Variants in RARB observed in about 807,000 individuals in gnomAD.
RARB encodes retinoic acid receptor beta.
In RARB, 17 loss-of-function variants were observed where a neutral mutation model predicts 51.9. The ratio of observed to expected loss-of-function variants is 0.33; its 90% CI spans 0.22 to 0.49. RARB has a LOEUF of 0.49. Among genes scored for constraint, RARB ranks in the 20% least tolerant of loss-of-function variants. The probability of loss-of-function intolerance (pLI) is 0.99; values close to 1 mark genes in which losing one functional copy is unlikely to be tolerated. For synonymous variants in RARB, 215 were observed against 195.4 expected (o/e 1.10, Z -0.84); for missense variants, 369 against 550.8 (o/e 0.67, Z 3.30).
upstream of RARB, among the ~76,000 whole-genome samples, chr3:25,424,742 A>G (rs186924165): frequency 2.0e-5 from 3 of 152,220 alleles, no homozygotes; most frequent in Admixed American, 2.0e-4. Context: ...GTATTAGCCC[A>G]ATTTTGAACA....
intron 3 of RARB, among the ~76,000 whole-genome samples, chr3:25,066,016 AAAG>A (rs1698654389): frequency 6.6e-6 from 1 of 152,210 alleles, no homozygotes; most frequent in Non-Finnish European, 1.5e-5. Context: ...CAGAAAATGC[AAAG>A]AAGAGGAAGT....
chr3:25,488,215 T>C (rs541097543), intron 2 of RARB, among the ~76,000 whole-genome samples: 1 of 152,240 alleles, frequency 6.6e-6, no homozygotes, highest in African/African-American at 2.4e-5. Context: ...TTCCTACACC[T>C]GCCTGTGAAC....
At chr3:25,383,930 C>CAAAA (rs11401651) in intron 5 of RARB, among the ~76,000 whole-genome samples, 3 of 128,670 alleles carry the variant, frequency 2.3e-5, no homozygotes, top group African/African-American at 8.5e-5. Flanking sequence ...GACTTTGTCT[C>CAAAA]AAAAAAAAAA....
chr3:25,194,506 GATATATATATGTTGAT>G, intron 5 of RARB, among the ~76,000 whole-genome samples: 1 of 149,732 alleles, frequency 6.7e-6, no homozygotes, highest in Non-Finnish European at 1.5e-5. Context: ...CACACATAGT[GATATATATATGTTGAT>G]ATATATATAT....
intron 1 of RARB, among the ~76,000 whole-genome samples, chr3:24,831,748 T>C (rs768002457): frequency 6.6e-6 from 1 of 152,154 alleles, no homozygotes; most frequent in Non-Finnish European, 1.5e-5. Context: ...TAACCTACTT[T>C]AGGCATCCTT....
chr3:25,236,735 T>A (rs371852502), intron 5 of RARB, among the ~76,000 whole-genome samples: 1 of 152,114 alleles, frequency 6.6e-6, no homozygotes, highest in Non-Finnish European at 1.5e-5. Context: ...CATTTCATAT[T>A]GAATTTGGTG....
At chr3:24,874,338 C>T (rs1433033768) in intron 2 of RARB, among the ~76,000 whole-genome samples, 1 of 151,838 alleles carries the variant, frequency 6.6e-6, no homozygotes, top group Non-Finnish European at 1.5e-5. Context: ...TAAATCAACC[C>T]TATTAATTTT....
chr3:25,145,096 G>A (rs918682347), intron 4 of RARB, among the ~76,000 whole-genome samples: 1 of 152,156 alleles, frequency 6.6e-6, no homozygotes, highest in South Asian at 2.1e-4. Context: ...TGTAGACTGA[G>A]TTGTCTCAGC....
chr3:24,882,987 G>A (rs535035535), intron 2 of RARB, among the ~76,000 whole-genome samples: 1 of 152,220 alleles, frequency 6.6e-6, no homozygotes, highest in African/African-American at 2.4e-5. Flanking sequence ...GAGGCGAGAT[G>A]TGATGCCTCA....
intron 3 of RARB, among the ~76,000 whole-genome samples, chr3:25,554,044 CTG>C (rs1472928572): frequency 6.6e-6 from 1 of 151,478 alleles, no homozygotes; most frequent in Non-Finnish European, 1.5e-5. Context: ...TCATGTTAAT[CTG>C]TGTTTGGTTA....
At chr3:25,490,227 C>A (rs892303038) in intron 2 of RARB, among the ~76,000 whole-genome samples, 3 of 152,104 alleles carry the variant, frequency 2.0e-5, no homozygotes, top group Non-Finnish European at 4.4e-5. Context: ...TGAGAAGATT[C>A]CAACATGGCC....
intron 2 of RARB, among the ~76,000 whole-genome samples, chr3:25,030,486 T>C (rs954914637): frequency 6.6e-6 from 1 of 152,254 alleles, no homozygotes. Context: ...ATGTCAAAGA[T>C]GTTTAAAAAT....
chr3:25,523,331 G>A, intron 3 of RARB, among the ~76,000 whole-genome samples: 1 of 152,316 alleles, frequency 6.6e-6, no homozygotes, highest in Non-Finnish European at 1.5e-5. Context: ...TCTCAAGGAA[G>A]TGTGGGTAAG....
chr3:25,156,709 C>T (rs145901093), intron 4 of RARB, among the ~76,000 whole-genome samples: 2,062 of 152,094 alleles, frequency 0.014, 42 homozygotes, highest in African/African-American at 0.046. Flanking sequence ...TTGAGTCCTT[C>T]TTGGCATAAG....
chr3:25,269,670 G>A (rs750381075), intron 5 of RARB, among the ~76,000 whole-genome samples: 1 of 152,058 alleles, frequency 6.6e-6, no homozygotes, highest in African/African-American at 2.4e-5. Flanking sequence ...GATACAAATA[G>A]CAACAATAAT....
chr3:25,209,716 A>G (rs1190041742), intron 5 of RARB, among the ~76,000 whole-genome samples: 1 of 152,010 alleles, frequency 6.6e-6, no homozygotes, highest in Non-Finnish European at 1.5e-5. Context: ...CCCTGCCACC[A>G]TGTCACTTTG....
chr3:25,470,342 C>A (rs1372618694), intron 2 of RARB, among the ~76,000 whole-genome samples: 2 of 152,072 alleles, frequency 1.3e-5, no homozygotes, highest in South Asian at 2.1e-4. Flanking sequence ...GGTAAATATT[C>A]ATTGGATGGA....
intron 4 of RARB, among the ~76,000 whole-genome samples, chr3:25,579,417 A>T (rs1405127985): frequency 6.6e-6 from 1 of 152,170 alleles, no homozygotes; most frequent in Non-Finnish European, 1.5e-5. Context: ...GTTCTCAATC[A>T]CTATAGTTTT....
Position 25,468,785 on chromosome 3 carries a change from A to T in RARB, c.306+7444A>T, listed in dbSNP as rs548979265. Among the ~76,000 whole-genome samples, 53 of 152,234 alleles carry T rather than the reference A, an allele frequency of 3.5e-4. 1 individual carries two copies. The highest frequency in any genetic ancestry group is 6.6e-4 in the Non-Finnish European group (45 of 68,038). On this transcript the variant is annotated intron_variant, in intron 2 of 7. Coordinates refer to ENST00000330688, the MANE Select transcript of RARB (RefSeq NM_000965.5). ...GGCAGTCAGTCTTTCCCAAGAAGGG[A>T]CAGTTAGCAGGCAGAACCCACACAT...
Sources: allele counts gnomAD v4.1 joint callset (sites outside exome capture counted in the v4.1 genomes callset), GRCh38; gene constraint gnomAD v4.1.1; transcripts MANE v1.5; gene names NCBI Gene and HGNC (gene_info 2026-07-23, HGNC 2026-07-21).